Variants in PTS observed in about 807,000 individuals in gnomAD.
The protein encoded by PTS is 6-pyruvoyl tetrahydrobiopterin synthase.
Under a neutral mutation model 20.6 loss-of-function variants are expected in PTS, and 23 were observed. The observed-to-expected ratio is 1.12, with a 90% CI of 0.80 to 1.58. PTS has a LOEUF of 1.58. Among genes scored for constraint, PTS ranks in the 40% most tolerant of loss-of-function variants. The probability of loss-of-function intolerance (pLI) is 0.00; values close to 1 mark genes in which losing one functional copy is unlikely to be tolerated. For synonymous variants in PTS, 65 were observed against 62.5 expected (o/e 1.04, Z -0.19); for missense variants, 186 against 182.4 (o/e 1.02, Z -0.11).
rs558389414 is a variant in PTS at position 112,229,419 on chromosome 11, G to T, written c.163+746G>T. 6.7e-6 allele frequency: 1 copy of T among 149,318 alleles called. No individual in the cohort carries two copies. Among genetic ancestry groups the T allele is most frequent in the Admixed American group, 6.6e-5 (1 of 15,052 alleles). 9.2% of individuals were successfully genotyped at this position (149,318 alleles called of 1,614,324 possible). ...TTGTTGTTGTTTTTTTTTTTGAGAT[G>T]GAGTTCCACTCTTTTTGCCCAGGCT... On this transcript the variant is annotated intron_variant, in intron 2 of 5. Coordinates refer to ENST00000280362, the MANE Select transcript of PTS (RefSeq NM_000317.3).
chr11:112,227,034 A>G (rs1328715916), intron 1 of PTS, among the ~76,000 whole-genome samples: 1 of 149,670 alleles, frequency 6.7e-6, no homozygotes, highest in African/African-American at 2.5e-5. Context: ...GGATGAACCC[A>G]GTCCCTGGTG....
At chr11:112,232,987 A>G (rs574424401) in intron 4 of PTS, among the ~76,000 whole-genome samples, 176 bp from the exon 5 acceptor site, 1 of 152,342 alleles carries the variant, frequency 6.6e-6, no homozygotes, top group African/African-American at 2.4e-5. Context: ...GCTGGGCCTG[A>G]CTTTATTTTA....
chr11:112,232,957 A>T (rs1859959746), intron 4 of PTS, among the ~76,000 whole-genome samples: 1 of 152,238 alleles, frequency 6.6e-6, no homozygotes, highest in Admixed American at 6.5e-5. Flanking sequence ...AGTAACAAGG[A>T]TTCCTAATCA....
intron 4 of PTS, among the ~76,000 whole-genome samples, chr11:112,231,304 A>T (rs979090027): frequency 7.2e-5 from 11 of 152,306 alleles, no homozygotes; most frequent in Admixed American, 6.5e-4. Flanking sequence ...CATAGAGATA[A>T]CACACAAGGT....
At chr11:112,227,008 T>C (rs911206890) in intron 1 of PTS, among the ~76,000 whole-genome samples, 8 of 150,220 alleles carry the variant, frequency 5.3e-5, no homozygotes, top group African/African-American at 2.0e-4. Context: ...TTTTAGCCCC[T>C]TTTTTACCAA....
Position 112,233,538 on chromosome 11 carries a change from G to A in PTS, c.421G>A (p.Val141Ile), listed in dbSNP as rs1422252661. 1 of 1,613,442 alleles carries A rather than the reference G, an allele frequency of 6.2e-7. No homozygotes were observed. The highest frequency in any genetic ancestry group is 1.3e-5 in the African/African-American group (1 of 74,856). ...KVYETDNNIV[V>I]YKGE is the part of the protein sequence containing the mutation. Reference sequence around the variant, plus strand: ...ATACGAAACTGACAATAATATTGTGGTTTATAAAGGAGAATAGCTATTGGG... The same window carrying A: ...ATACGAAACTGACAATAATATTGTGATTTATAAAGGAGAATAGCTATTGGG... Residue 141 changes from valine (V) to isoleucine (I), a missense_variant, in exon 6 of 6, where the codon GTT (valine) becomes ATT (isoleucine). Coordinates refer to ENST00000280362, the MANE Select transcript of PTS (RefSeq NM_000317.3).
chr11:112,230,542 C>A lies in PTS; in HGVS notation c.187-84C>A. 2.5e-6 allele frequency: 3 copies of A among 1,217,564 alleles called. No individual in the cohort carries two copies. The South Asian group carries it at 3.6e-5, about 15-fold the overall frequency. 75.4% of individuals were successfully genotyped at this position (1,217,564 alleles called of 1,614,324 possible). ...TGTGCAAATGTGGGCACAGTCTCTG[C>A]ACATTGTACTGCCTTTAATAATTTG... On this transcript the variant is annotated intron_variant, in intron 3 of 5. Transcript: ENST00000280362.
chr11:112,231,929 A>C (rs1293776630), intron 4 of PTS, among the ~76,000 whole-genome samples: 1 of 121,642 alleles, frequency 8.2e-6, no homozygotes, highest in Non-Finnish European at 1.7e-5. Flanking sequence ...ACAGGGGAGG[A>C]GAGGGGAGGG....
intron 4 of PTS, 148 bp downstream of exon 4, chr11:112,230,830 A>G (rs1421320991): frequency 5.1e-6 from 4 of 785,810 alleles, no homozygotes; most frequent in Non-Finnish European, 8.9e-6. Context: ...AGTTGGAAGA[A>G]CTGCTCGCAT....
rs1214083878 is a variant in PTS, at chr11:112,230,488, T to C, written c.187-138T>C. Reference sequence around the variant, plus strand: ...AGTACATGGTGCTTCCATGCTGAGGTCAATGATTATCTCTGGGATGAAGGC... The same window carrying C: ...AGTACATGGTGCTTCCATGCTGAGGCCAATGATTATCTCTGGGATGAAGGC... On this transcript the variant is annotated intron_variant, in intron 3 of 5. Transcript: ENST00000280362. 35 of 854,280 alleles carry C rather than the reference T, an allele frequency of 4.1e-5. No homozygotes were observed. In the South Asian group the frequency reaches 4.7e-4, roughly 11 times the overall value. The allele number at this position is 854,280 out of a possible 1,614,324, so 52.9% of individuals were successfully genotyped here.
At chr11:112,227,579 G>A (rs982118216) in intron 1 of PTS, among the ~76,000 whole-genome samples, 1 of 152,128 alleles carries the variant, frequency 6.6e-6, no homozygotes, top group Non-Finnish European at 1.5e-5. Context: ...GAGGCCTCAG[G>A]GACCTTCCAC....
chr11:112,227,666 G>T (rs535231580), intron 1 of PTS, among the ~76,000 whole-genome samples: 9 of 151,850 alleles, frequency 5.9e-5, no homozygotes, highest in Non-Finnish European at 1.3e-4. Flanking sequence ...GAGAGGAGGT[G>T]CCAGGCTTTT....
chr11:112,231,854 T>C (rs1009078742), intron 4 of PTS, among the ~76,000 whole-genome samples: 1 of 55,508 alleles, frequency 1.8e-5, no homozygotes, highest in African/African-American at 7.4e-5. Flanking sequence ...GGGCAGGGGT[T>C]GGGGGGCAGG....
At chr11:112,231,286 C>A (rs2135409500) in intron 4 of PTS, among the ~76,000 whole-genome samples, 1 of 152,322 alleles carries the variant, frequency 6.6e-6, no homozygotes, top group East Asian at 1.9e-4. Context: ...CTCACCAGAG[C>A]AGTACCTCAT....
rs1859865049 is a variant in PTS, at chr11:112,226,436, C to G, written c.-8C>G. 2 of 1,574,946 alleles carry G rather than the reference C, an allele frequency of 1.3e-6. No individual in the cohort carries two copies. Among genetic ancestry groups the G allele is most frequent in the Admixed American group, 1.9e-5 (1 of 52,044 alleles). On this transcript the variant is annotated 5_prime_UTR_variant, in exon 1 of 6. Transcript: ENST00000280362. Reference sequence around the variant, plus strand: ...TGCCGGCCGAGCACCGCAGACAGCGCCGGGAAGATGAGCACGGAAGGTGGT... The same window carrying G: ...TGCCGGCCGAGCACCGCAGACAGCGGCGGGAAGATGAGCACGGAAGGTGGT...
At position 112,233,231 on chromosome 11, in the gene PTS, G is replaced by A. The variant is rs148185068; in HGVS notation, c.312G>A (p.Val104=). The change falls in exon 5 of 6, where the codon GTG becomes GTA. Residue 104 remains valine (V), a splice_region_variant and synonymous_variant. Transcript: ENST00000280362. Reference sequence around the variant, plus strand: ...ATGTGCCATACTTTGCAGATGTGGTGAGGTGGGTGGCACTGTATCTTGCCT... The same window carrying A: ...ATGTGCCATACTTTGCAGATGTGGTAAGGTGGGTGGCACTGTATCTTGCCT... ...DMDVPYFADV[V]STTENVAVYI... is the part of the protein sequence containing the mutation. 3.0e-5 allele frequency: 48 copies of A among 1,613,432 alleles called. No individual in the cohort carries two copies. Among genetic ancestry groups the A allele is most frequent in the South Asian group, 2.4e-4 (22 of 91,066 alleles).
At position 112,230,698 on chromosome 11, in the gene PTS, G is replaced by A; in HGVS notation, c.243+16G>A. On this transcript the variant is annotated intron_variant, in intron 4 of 5. Coordinates refer to ENST00000280362, the MANE Select transcript of PTS (RefSeq NM_000317.3). ...ATATATGGAGGTAATGGCATGTTGG[G>A]TGCTTATTATGTGCTATTCCCTAAC... The A allele has an allele frequency of 1.9e-6, 3 of 1,598,704 alleles. No homozygotes were observed. The highest frequency in any genetic ancestry group is 1.1e-5 in the South Asian group (1 of 90,764).
intron 1 of PTS, among the ~76,000 whole-genome samples, chr11:112,228,068 A>C (rs771749324): frequency 2.0e-5 from 3 of 152,206 alleles, no homozygotes; most frequent in Non-Finnish European, 4.4e-5. Context: ...ACAGATTGGT[A>C]AAGTTCTCAT....
Position 112,230,632 on chromosome 11 carries a change from C to T in PTS, c.193C>T (p.Pro65Ser). The stretch of plus-strand genomic sequence containing the variant: ...ACCTTTGTTTATTCTTTAGATTGAC[C>T]CTGCTACGGGAATGGTTATGAATCT... The part of the protein sequence containing the change: ...VVVTVHGEID[P>S]ATGMVMNLAD... Residue 65 changes from proline to serine, a missense_variant, in exon 4 of 6, where the codon CCT becomes TCT. Physicochemically the swap from Pro to Ser is moderately conservative, Grantham distance 74 (BLOSUM62 -1). Coordinates refer to ENST00000280362, the MANE Select transcript of PTS (RefSeq NM_000317.3). 1.2e-6 allele frequency: 2 copies of T among 1,609,384 alleles called. No individual in the cohort carries two copies. The highest frequency in any genetic ancestry group is 8.5e-7 in the Non-Finnish European group (1 of 1,175,766).
Sources: allele counts gnomAD v4.1 joint callset (sites outside exome capture counted in the v4.1 genomes callset), GRCh38; gene constraint gnomAD v4.1.1; transcripts MANE v1.5; gene names NCBI Gene and HGNC (gene_info 2026-07-23, HGNC 2026-07-21).